CDH12: variants seen among roughly 807,000 people sequenced by gnomAD.
CDH12 encodes cadherin 12.
In CDH12, 41 loss-of-function variants were observed where a neutral mutation model predicts 74.1. That is an observed-to-expected ratio of 0.55 (90% CI 0.43 to 0.72). The LOEUF (loss-of-function observed/expected upper bound fraction) is 0.72. CDH12 is among the 30% of genes least tolerant of loss of function. The pLI is 0.00. For missense variants in CDH12, 945 were observed against 977.2 expected, an observed-to-expected ratio of 0.97 and a Z score of 0.44; for synonymous variants, 399 against 355.0, an observed-to-expected ratio of 1.12 and a Z score of -1.39.
At chr5:22,257,611 T>G (rs1753365273) in intron 3 of CDH12, among the ~76,000 whole-genome samples, 2 of 152,038 alleles carry the variant, frequency 1.3e-5, no homozygotes, top group Admixed American at 6.6e-5. Flanking sequence ...GCAATTCTCC[T>G]CCCTCAGCCT....
intron 5 of CDH12, among the ~76,000 whole-genome samples, chr5:22,026,765 G>C (rs1282500333): frequency 6.6e-6 from 1 of 152,098 alleles, no homozygotes; most frequent in African/African-American, 2.4e-5. Flanking sequence ...CTCCTGTCTT[G>C]AGTTTCTATT....
chr5:22,736,897 T>G (rs1323119594), intron 1 of CDH12, among the ~76,000 whole-genome samples: 1 of 151,984 alleles, frequency 6.6e-6, no homozygotes, highest in African/African-American at 2.4e-5. Context: ...TTTAAGCCAC[T>G]GTTAATACAG....
At chr5:22,846,871 T>C (rs1292427308) in intron 1 of CDH12, among the ~76,000 whole-genome samples, 2 of 152,216 alleles carry the variant, frequency 1.3e-5, no homozygotes, top group Admixed American at 1.3e-4. Context: ...TGGTGTTATA[T>C]AATTGTGGCA....
chr5:21,904,588 G>GAGTTCA, intron 6 of CDH12, among the ~76,000 whole-genome samples: 1 of 152,002 alleles, frequency 6.6e-6, no homozygotes, highest in South Asian at 2.1e-4. Flanking sequence ...GAGTAACATA[G>GAGTTCA]AGAGTCCCTG....
chr5:22,737,393 A>G (rs542052817), intron 1 of CDH12, among the ~76,000 whole-genome samples: 37 of 152,134 alleles, frequency 2.4e-4, no homozygotes, highest in African/African-American at 8.9e-4. Context: ...ATGAAGCTCA[A>G]AATAATATAT....
At chr5:22,001,450 T>C (rs1736596209) in intron 5 of CDH12, among the ~76,000 whole-genome samples, 2 of 152,272 alleles carry the variant, frequency 1.3e-5, no homozygotes, top group South Asian at 4.1e-4. Flanking sequence ...GCAGTAAACA[T>C]GGGAAAAATC....
chr5:21,791,254 T>C (rs1485815809), intron 10 of CDH12, among the ~76,000 whole-genome samples: 1 of 152,040 alleles, frequency 6.6e-6, no homozygotes, highest in Non-Finnish European at 1.5e-5. Flanking sequence ...TTTTATCCAG[T>C]ATAGCAACTG....
intron 7 of CDH12, among the ~76,000 whole-genome samples, chr5:21,853,910 T>A (rs574253215): frequency 2.0e-5 from 3 of 151,718 alleles, no homozygotes; most frequent in Admixed American, 6.6e-5. Context: ...ATAACCATCG[T>A]TGTGGGGTTT....
At chr5:22,080,282 T>C (rs1742633674) in intron 4 of CDH12, among the ~76,000 whole-genome samples, 1 of 152,182 alleles carries the variant, frequency 6.6e-6, no homozygotes, top group Non-Finnish European at 1.5e-5. Flanking sequence ...AAACATTTAA[T>C]GAGTTCTTTA....
At position 21,840,070 on chromosome 5, in the gene CDH12, A is replaced by T. The variant is rs72739960; in HGVS notation, c.814+2091T>A. On this transcript the variant is annotated intron_variant, in intron 8 of 14. Transcript: ENST00000382254. ...AACTAAAATGAAATAACTAGTCAGA[A>T]CTAAAGTAATGTAAATAGCATCAAT... Among the ~76,000 whole-genome samples, 858 of 152,306 alleles carry T rather than the reference A, an allele frequency of 5.6e-3. 8 individuals are homozygous for T. The highest frequency in any genetic ancestry group is 0.013 in the South Asian group (64 of 4,828).
At chr5:22,401,350 A>G (rs1742722625) in intron 3 of CDH12, among the ~76,000 whole-genome samples, 1 of 152,178 alleles carries the variant, frequency 6.6e-6, no homozygotes, top group African/African-American at 2.4e-5. Flanking sequence ...TTCTATAGGG[A>G]TCTCTACCTA....
chr5:22,012,715 G>T (rs977920999), intron 5 of CDH12, among the ~76,000 whole-genome samples: 44 of 148,612 alleles, frequency 3.0e-4, no homozygotes, highest in African/African-American at 1.0e-3. Flanking sequence ...CTTGATTTCA[G>T]TTTAGCCTCC....
chr5:22,279,653 T>G (rs1344963203), intron 3 of CDH12, among the ~76,000 whole-genome samples: 2 of 152,116 alleles, frequency 1.3e-5, no homozygotes, highest in African/African-American at 4.8e-5. Flanking sequence ...TGCAATAGTT[T>G]GCTGAGAATG....
intron 4 of CDH12, among the ~76,000 whole-genome samples, chr5:22,171,100 C>G (rs533648828): frequency 1.3e-5 from 2 of 151,752 alleles, no homozygotes; most frequent in Non-Finnish European, 2.9e-5. Context: ...ATATCTAGTC[C>G]AAGAACTTGC....
At chr5:22,327,733 T>A (rs1046647910) in intron 3 of CDH12, among the ~76,000 whole-genome samples, 1 of 152,182 alleles carries the variant, frequency 6.6e-6, no homozygotes, top group Non-Finnish European at 1.5e-5. Flanking sequence ...TTATCTTAAG[T>A]CATCTCCTGA....
intron 1 of CDH12, among the ~76,000 whole-genome samples, chr5:22,587,005 T>C (rs1030284170): frequency 6.6e-6 from 1 of 151,844 alleles, no homozygotes; most frequent in African/African-American, 2.4e-5. Flanking sequence ...CTGGCTAATT[T>C]TTGTATTTTT....
chr5:22,119,382 C>A (rs747521208), intron 4 of CDH12, among the ~76,000 whole-genome samples: 1 of 151,164 alleles, frequency 6.6e-6, no homozygotes, highest in Non-Finnish European at 1.5e-5. Context: ...CCTCTGCCTC[C>A]CAGTTCAAGC....
At chr5:21,957,930 C>T (rs1756174290) in intron 6 of CDH12, among the ~76,000 whole-genome samples, 1 of 152,064 alleles carries the variant, frequency 6.6e-6, no homozygotes, top group Non-Finnish European at 1.5e-5. Context: ...TAATGAGATC[C>T]TGATATGTTA....
At chr5:22,595,698 C>G (rs1031361634) in intron 1 of CDH12, among the ~76,000 whole-genome samples, 2 of 152,110 alleles carry the variant, frequency 1.3e-5, no homozygotes, top group Admixed American at 1.3e-4. Flanking sequence ...TCTTCATCTT[C>G]AATATCCACC....
Sources: allele counts gnomAD v4.1 joint callset (sites outside exome capture counted in the v4.1 genomes callset), GRCh38; gene constraint gnomAD v4.1.1; transcripts MANE v1.5; gene names NCBI Gene and HGNC (gene_info 2026-07-23, HGNC 2026-07-21).